The following MTMR10 variants were observed in gnomAD, a reference collection of about 807,000 sequenced individuals.
The protein encoded by MTMR10 is myotubularin related protein 10.
Under a neutral mutation model 88.1 loss-of-function variants are expected in MTMR10, and 56 were observed. The ratio of observed to expected loss-of-function variants is 0.64; its 90% CI spans 0.51 to 0.79. MTMR10 has a LOEUF of 0.79. Among genes scored for constraint, MTMR10 ranks in the 30% least tolerant of loss-of-function variants. The pLI is 0.00. For missense variants in MTMR10, 883 were observed against 924.7 expected, an observed-to-expected ratio of 0.95 and a Z score of 0.58; for synonymous variants, 380 against 340.9, an observed-to-expected ratio of 1.11 and a Z score of -1.26.
chr15:30,929,483 C>A, the MTMR10 span: 1 of 963,324 alleles, frequency 1.0e-6, no homozygotes, highest in Non-Finnish European at 1.6e-6. Flanking sequence ...TCAAAATACA[C>A]ATGTGTGTAT....
In MTMR10 at chr15:30,991,519, T is replaced by C. The variant is rs2031332294; in HGVS notation, c.-13A>G. On this transcript the variant is annotated 5_prime_UTR_variant, in exon 1 of 16. Coordinates refer to ENST00000435680, the MANE Select transcript of MTMR10 (RefSeq NM_017762.3). The stretch of plus-strand genomic sequence containing the variant: ...TGAGGGAGAACATGGTGCCGCCGCC[T>C]TTTCGCCCCGTTCCCGTCGCGGGCC... 1.3e-6 allele frequency: 2 copies of C among 1,531,318 alleles called. No homozygotes were observed. The highest frequency in any genetic ancestry group is 8.7e-7 in the Non-Finnish European group (1 of 1,147,150). 94.9% of individuals were successfully genotyped at this position (1,531,318 alleles called of 1,614,324 possible).
chr15:30,966,344 A>C (rs2063472077), intron 6 of MTMR10, among the ~76,000 whole-genome samples: 1 of 152,232 alleles, frequency 6.6e-6, no homozygotes, highest in Non-Finnish European at 1.5e-5. Flanking sequence ...AAAATGTGGA[A>C]AGTAACTGAA....
the MTMR10 span, chr15:30,927,570 C>G: frequency 1.4e-5 from 14 of 985,654 alleles, no homozygotes; most frequent in Non-Finnish European, 1.7e-5. Context: ...CACCCCTGAT[C>G]CCACTCACTG....
At chr15:30,921,334 G>C in the MTMR10 span, among the ~76,000 whole-genome samples, 2 of 152,104 alleles carry the variant, frequency 1.3e-5, no homozygotes, top group African/African-American at 2.4e-5. Context: ...AAATCTCTGA[G>C]GGACCTTTTG....
At chr15:30,971,442 A>G (rs1043085593) in intron 5 of MTMR10, among the ~76,000 whole-genome samples, 4 of 152,178 alleles carry the variant, frequency 2.6e-5, no homozygotes, top group African/African-American at 9.6e-5. Context: ...CTCATTTGCA[A>G]ACAAAAGTGG....
At chr15:30,971,203 C>T (rs2959047) in intron 5 of MTMR10, among the ~76,000 whole-genome samples, 106,325 of 152,116 alleles carry the variant, frequency 0.7, 38,260 homozygotes, top group East Asian at 0.87. Context: ...CTGGCTACCA[C>T]AGGAAATGAA....
At chr15:30,935,886 CCT>C (rs776302561), downstream of MTMR10, among the ~76,000 whole-genome samples, 61 of 151,954 alleles carry the variant, frequency 4.0e-4, no homozygotes, top group Admixed American at 1.3e-3. Flanking sequence ...GACTATATCC[CCT>C]GATTATACAG....
chr15:30,959,836 G>A (rs1385841999), intron 7 of MTMR10, among the ~76,000 whole-genome samples: 1 of 152,184 alleles, frequency 6.6e-6, no homozygotes, highest in Non-Finnish European at 1.5e-5. Context: ...AGCTGCTTAT[G>A]TGCGTGAACT....
rs2062977145 is a variant in MTMR10, at chr15:30,939,772, G to A, written c.*1698C>T. 2.0e-6 allele frequency: 2 copies of A among 985,026 alleles called. No individual in the cohort carries two copies. Among genetic ancestry groups the A allele is most frequent in the Non-Finnish European group, 2.4e-6 (2 of 829,706 alleles). The allele number at this position is 985,026 out of a possible 1,614,324, so 61.0% of individuals were successfully genotyped here. On this transcript the variant is annotated 3_prime_UTR_variant, in exon 16 of 16. Coordinates refer to ENST00000435680, the MANE Select transcript of MTMR10 (RefSeq NM_017762.3). ...GAGAATTGTGATTACACTGTCAATG[G>A]CAGGATACGCTGTGGTGTTATAAGG... is the stretch of plus-strand genomic sequence containing the variant.
chr15:30,968,492 C>A (rs1382309480), intron 5 of MTMR10, among the ~76,000 whole-genome samples: 1 of 150,344 alleles, frequency 6.7e-6, no homozygotes, highest in Non-Finnish European at 1.5e-5. Context: ...GCAAGAAACT[C>A]CAAAAATGCA....
the MTMR10 span, chr15:30,930,578 T>C: frequency 1.9e-6 from 3 of 1,611,618 alleles, no homozygotes; most frequent in Non-Finnish European, 2.5e-6. Context: ...CTGTGCTCAG[T>C]GGTGTGTGCA....
At chr15:30,925,422 G>A in the MTMR10 span, 739 of 917,462 alleles carry the variant, frequency 8.1e-4, 4 homozygotes, top group African/African-American at 0.011. Context: ...ACTCGTTTTG[G>A]ACGGCTGTGT....
chr15:30,988,987 CAAAAAA>C (rs71420538), intron 2 of MTMR10, among the ~76,000 whole-genome samples: 5 of 85,896 alleles, frequency 5.8e-5, no homozygotes, highest in Non-Finnish European at 5.1e-5. Flanking sequence ...GACTCTGTCT[CAAAAAA>C]AAAAAAAAAA....
intron 12 of MTMR10, chr15:30,948,771 C>G (rs906200617): frequency 1.4e-5 from 6 of 428,884 alleles, no homozygotes; most frequent in Non-Finnish European, 2.1e-5. Flanking sequence ...AGACTCCATT[C>G]TACTGCTCTT....
At chr15:30,978,126 A>G (rs919352136) in intron 2 of MTMR10, among the ~76,000 whole-genome samples, 13 of 152,086 alleles carry the variant, frequency 8.5e-5, no homozygotes, top group African/African-American at 3.1e-4. Context: ...CTTTTCTTCT[A>G]CCTTAGTCCA....
chr15:30,927,983 C>G, the MTMR10 span: 5 of 985,784 alleles, frequency 5.1e-6, no homozygotes, highest in Non-Finnish European at 6.0e-6. Context: ...GGCCAGATGT[C>G]TCTGTAAAAG....
At chr15:30,956,106 T>G (rs999276231) in intron 9 of MTMR10, 1 of 152,214 alleles carries the variant, frequency 6.6e-6, no homozygotes, top group Non-Finnish European at 1.5e-5. Context: ...TCTAAAATTT[T>G]GGTGCAATCT....
At chr15:30,986,303 C>T (rs573897118) in intron 2 of MTMR10, among the ~76,000 whole-genome samples, 9 of 151,910 alleles carry the variant, frequency 5.9e-5, no homozygotes, top group South Asian at 2.1e-4. Flanking sequence ...GGTGACAGAG[C>T]GAGACCCTGT....
At chr15:30,943,873 A>AT (rs1373507577) in intron 14 of MTMR10, 1 of 982,444 alleles carries the variant, frequency 1.0e-6, no homozygotes, top group Non-Finnish European at 1.2e-6. Context: ...AAGGACTCTC[A>AT]TCTCAGCTGA....
Sources: gnomAD v4.1 joint callset for allele counts (sites outside exome capture counted in the v4.1 genomes callset) on GRCh38, gnomAD v4.1.1 for gene constraint, MANE v1.5 for transcripts, NCBI Gene and HGNC (gene_info 2026-07-23, HGNC 2026-07-21) for gene names.